NF2: variants seen among roughly 807,000 people sequenced by gnomAD.
The protein encoded by NF2 is NF2, moesin-ezrin-radixin like (MERLIN) tumor suppressor.
NF2 carries 8 observed loss-of-function variants against 83.7 expected under a neutral mutation model. The observed-to-expected ratio is 0.10, with a 90% CI of 0.06 to 0.17. The LOEUF is 0.17. Ranked by LOEUF, NF2 falls within the 10% of genes least tolerant of loss-of-function variation. The probability of loss-of-function intolerance (pLI) is 1.00; values close to 1 mark genes in which losing one functional copy is unlikely to be tolerated. For missense variants in NF2, 533 were observed against 744.4 expected (o/e 0.72, Z 3.31); for synonymous variants, 266 against 269.6 (o/e 0.99, Z 0.13).
At chr22:29,692,890 C>T (rs928383651) in intron 15 of NF2, among the ~76,000 whole-genome samples, 16 of 152,206 alleles carry the variant, frequency 1.1e-4, no homozygotes, top group African/African-American at 3.6e-4. Context: ...GAAGGGGCTG[C>T]CATCACGCCC....
chr22:29,688,512 A>G (rs1400252606), intron 15 of NF2, among the ~76,000 whole-genome samples: 2 of 152,256 alleles, frequency 1.3e-5, no homozygotes, highest in Non-Finnish European at 2.9e-5. Flanking sequence ...ACCACTCAGT[A>G]GATAGCCGCC....
At chr22:29,657,316 G>C (rs1446891316) in intron 6 of NF2, among the ~76,000 whole-genome samples, 1 of 152,100 alleles carries the variant, frequency 6.6e-6, no homozygotes, top group Admixed American at 6.6e-5. Flanking sequence ...TTTCATTGCT[G>C]TATAGACTTC....
intron 1 of NF2, among the ~76,000 whole-genome samples, chr22:29,621,776 C>G (rs2065222873): frequency 6.6e-6 from 1 of 152,228 alleles, no homozygotes; most frequent in African/African-American, 2.4e-5. Context: ...CTCACGCACC[C>G]TCTTGCTCTG....
chr22:29,653,216 C>T (rs544785652), intron 4 of NF2, among the ~76,000 whole-genome samples: 294 of 152,194 alleles, frequency 1.9e-3, no homozygotes, highest in Middle Eastern at 6.8e-3. Context: ...GAGGCTGAGG[C>T]GGGCAGATCA....
At chr22:29,664,951 G>A in intron 8 of NF2, 39 bp from the exon 9 acceptor site, 25 of 1,440,012 alleles carry the variant, frequency 1.7e-5, no homozygotes, top group Non-Finnish European at 2.4e-5. Context: ...AACATTCCAG[G>A]CTGTCGGACT....
rs886057365 is a variant in NF2, at chr22:29,696,795, G to GTT, written c.*2006_*2007dup. 1.2e-3 allele frequency: 196 copies of GTT among 170,034 alleles called. No homozygotes were observed. Among genetic ancestry groups the GTT allele is most frequent in the Admixed American group, 1.9e-3 (27 of 14,344 alleles). The allele number at this position is 170,034 out of a possible 1,614,324, so 10.5% of individuals were successfully genotyped here. Reference sequence around the variant, plus strand: ...AGTGAGGTCTGGCTCTGCCTCCTCCGTTTTTTTTTTTTTTCTGTTTCTGTT... The same window carrying GTT: ...AGTGAGGTCTGGCTCTGCCTCCTCCGTTTTTTTTTTTTTTTTCTGTTTCTGTT... On this transcript the variant is annotated 3_prime_UTR_variant, in exon 16 of 16. Coordinates refer to ENST00000338641, the MANE Select transcript of NF2 (RefSeq NM_000268.4).
At chr22:29,612,532 G>A (rs2064979486) in intron 1 of NF2, among the ~76,000 whole-genome samples, 1 of 151,450 alleles carries the variant, frequency 6.6e-6, no homozygotes, top group Non-Finnish European at 1.5e-5. Flanking sequence ...TAGAGACAGA[G>A]TCTCCCTGTG....
At chr22:29,622,568 C>CA (rs2065240173) in intron 1 of NF2, among the ~76,000 whole-genome samples, 1 of 150,916 alleles carries the variant, frequency 6.6e-6, no homozygotes, top group South Asian at 2.1e-4. Flanking sequence ...AGTTAGTTAA[C>CA]TGTTCAGACG....
intron 4 of NF2, among the ~76,000 whole-genome samples, chr22:29,648,609 C>A (rs1297946506): frequency 6.6e-6 from 1 of 152,220 alleles, no homozygotes; most frequent in Non-Finnish European, 1.5e-5. Context: ...AAAACTGTCA[C>A]AACAGATAGA....
intron 1 of NF2, among the ~76,000 whole-genome samples, chr22:29,613,042 T>G (rs1165928890): frequency 4.0e-5 from 6 of 150,974 alleles, no homozygotes; most frequent in Admixed American, 6.6e-5. Context: ...TGCGGTGAGC[T>G]GAGATCACGC....
At chr22:29,620,213 C>T (rs948543610) in intron 1 of NF2, among the ~76,000 whole-genome samples, 7 of 151,988 alleles carry the variant, frequency 4.6e-5, no homozygotes, top group Admixed American at 2.0e-4. Flanking sequence ...GAGCTGAGAT[C>T]GCGTCACTGC....
At position 29,696,340 on chromosome 22, in the gene NF2, C is replaced by G. The variant is rs766153036; in HGVS notation, c.*1538C>G. The G allele has an allele frequency of 5.8e-5, 13 of 222,982 alleles. No individual in the cohort carries two copies. The highest frequency in any genetic ancestry group is 6.3e-5 in the Non-Finnish European group (7 of 111,640). The allele number at this position is 222,982 out of a possible 1,614,324, so 13.8% of individuals were successfully genotyped here. ...AGGCATGAGCCACTGCACCCAGCCC[C>G]TTCTTGCCCTTTCTTTTCTCCATGG... On this transcript the variant is annotated 3_prime_UTR_variant, in exon 16 of 16. Transcript: ENST00000338641.
At chr22:29,611,289 A>C (rs2064945784) in intron 1 of NF2, among the ~76,000 whole-genome samples, 1 of 152,200 alleles carries the variant, frequency 6.6e-6, no homozygotes, top group African/African-American at 2.4e-5. Context: ...TAGGAGGCCA[A>C]GGTTGGAGGG....
intron 1 of NF2, among the ~76,000 whole-genome samples, chr22:29,623,394 G>C (rs928758626): frequency 1.3e-5 from 2 of 152,128 alleles, no homozygotes; most frequent in African/African-American, 4.8e-5. Flanking sequence ...AAAATGATTT[G>C]GAACGTTTGG....
rs550742475 is a variant in NF2, at chr22:29,657,398, CCT to C, written c.600-790_600-789del. ...GGACAGTTAGGTTGTTGGGTTGTCCCCTGAGTTTTGCTATTACAATAATGTCA... is the reference window on the plus strand; with the variant it reads ...GGACAGTTAGGTTGTTGGGTTGTCCCGAGTTTTGCTATTACAATAATGTCA... On this transcript the variant is annotated intron_variant, in intron 6 of 15. Transcript: ENST00000338641. 3.5e-3 allele frequency among the ~76,000 whole-genome samples: 528 copies of C among 152,194 alleles called. 7 individuals carry two copies. Among genetic ancestry groups the C allele is most frequent in the African/African-American group, 0.012 (502 of 41,508 alleles).
intron 6 of NF2, among the ~76,000 whole-genome samples, chr22:29,655,927 T>G (rs948499037): frequency 1.3e-4 from 20 of 151,724 alleles, no homozygotes; most frequent in Non-Finnish European, 2.6e-4. Flanking sequence ...TACTCACTGG[T>G]AATTAAGTTT....
chr22:29,624,497 C>T (rs1286889881), intron 1 of NF2, among the ~76,000 whole-genome samples: 1 of 152,174 alleles, frequency 6.6e-6, no homozygotes, highest in Non-Finnish European at 1.5e-5. Context: ...TGTGAGCCAA[C>T]GTGCCTGGCC....
At position 29,697,653 on chromosome 22, in the gene NF2, G is replaced by A. The variant is rs1361481747; in HGVS notation, c.*2851G>A. The stretch of plus-strand genomic sequence containing the variant: ...GTGATCTCGGCTCACCGCAACCTCC[G>A]CCTCCCGGATTCAAGCAATTCTCCT... On this transcript the variant is annotated 3_prime_UTR_variant, in exon 16 of 16. Transcript: ENST00000338641. 1.2e-5 allele frequency: 2 copies of A among 169,660 alleles called. No individual in the cohort carries two copies. The highest frequency in any genetic ancestry group is 1.1e-4 in the East Asian group (1 of 9,466). The allele number at this position is 169,660 out of a possible 1,614,324, so 10.5% of individuals were successfully genotyped here. A position where few individuals can be genotyped will look rare whatever the true frequency, so the allele number is the denominator to read the frequency against.
intron 8 of NF2, among the ~76,000 whole-genome samples, chr22:29,663,872 A>C (rs1046951990): frequency 1.3e-5 from 2 of 152,220 alleles, no homozygotes; most frequent in Non-Finnish European, 2.9e-5. Context: ...TGAGAGCAGC[A>C]GCCATTTGTT....
Sources: gnomAD v4.1 joint callset for allele counts (sites outside exome capture counted in the v4.1 genomes callset) on GRCh38, gnomAD v4.1.1 for gene constraint, MANE v1.5 for transcripts, NCBI Gene and HGNC (gene_info 2026-07-23, HGNC 2026-07-21) for gene names.